KHDRBS2: variants seen among roughly 807,000 people sequenced by gnomAD.
KHDRBS2 encodes KH domain-containing, RNA-binding, signal transduction-associated protein 2.
A neutral mutation model predicts 44.3 loss-of-function variants in KHDRBS2; 26 were observed. The ratio of observed to expected loss-of-function variants is 0.59; its 90% CI spans 0.43 to 0.81. KHDRBS2 has a LOEUF of 0.81. KHDRBS2 is among the 40% of genes least tolerant of loss of function. The pLI is 0.00. For synonymous variants in KHDRBS2, 194 were observed against 151.1 expected (o/e 1.28, Z -2.08); for missense variants, 476 against 433.1 (o/e 1.10, Z -0.88).
chr6:61,546,084 G>C, the KHDRBS2 span, among the ~76,000 whole-genome samples: 5 of 151,790 alleles, frequency 3.3e-5, no homozygotes, highest in Non-Finnish European at 5.9e-5. Flanking sequence ...TGACAAACAC[G>C]TAAAGATATA....
At chr6:62,081,558 A>C (rs1485594668) in intron 2 of KHDRBS2, among the ~76,000 whole-genome samples, 1 of 152,164 alleles carries the variant, frequency 6.6e-6, no homozygotes, top group Non-Finnish European at 1.5e-5. Flanking sequence ...GAACTCAGTA[A>C]GACAAAAGAA....
chr6:61,635,105 T>A, the KHDRBS2 span, among the ~76,000 whole-genome samples: 1 of 152,056 alleles, frequency 6.6e-6, no homozygotes, highest in Non-Finnish European at 1.5e-5. Flanking sequence ...ATCCAATTAA[T>A]CTCATTACTT....
At chr6:62,003,321 C>T (rs1778614971) in intron 3 of KHDRBS2, among the ~76,000 whole-genome samples, 1 of 151,818 alleles carries the variant, frequency 6.6e-6, no homozygotes, top group African/African-American at 2.4e-5. Context: ...AATAAAATAA[C>T]ATTTGTACCC....
chr6:61,643,481 G>T, the KHDRBS2 span, among the ~76,000 whole-genome samples: 1 of 152,088 alleles, frequency 6.6e-6, no homozygotes, highest in Non-Finnish European at 1.5e-5. Flanking sequence ...GCAAGAGAAA[G>T]AAACAAAGGG....
the KHDRBS2 span, among the ~76,000 whole-genome samples, chr6:61,573,577 T>A: frequency 6.6e-6 from 1 of 151,892 alleles, no homozygotes; most frequent in African/African-American, 2.4e-5. Flanking sequence ...ATCACCTGAG[T>A]TCAGGAGTTT....
chr6:61,955,154 A>G (rs867899791), intron 4 of KHDRBS2, among the ~76,000 whole-genome samples: 2 of 144,790 alleles, frequency 1.4e-5, no homozygotes, highest in Non-Finnish European at 3.0e-5. Flanking sequence ...ATACGTGTGT[A>G]TGTATGTATA....
At chr6:61,801,559 T>C (rs543002912) in intron 6 of KHDRBS2, among the ~76,000 whole-genome samples, 1 of 152,310 alleles carries the variant, frequency 6.6e-6, no homozygotes, top group African/African-American at 2.4e-5. Flanking sequence ...AGCTCATTTG[T>C]CTTATTCAAT....
At chr6:62,237,387 T>C (rs1833873984) in intron 1 of KHDRBS2, among the ~76,000 whole-genome samples, 1 of 152,148 alleles carries the variant, frequency 6.6e-6, no homozygotes, top group Non-Finnish European at 1.5e-5. Context: ...CTCTCTAAAC[T>C]CAAAAACAAT....
At chr6:61,859,103 A>G (rs988605171) in intron 6 of KHDRBS2, among the ~76,000 whole-genome samples, 9 of 151,832 alleles carry the variant, frequency 5.9e-5, no homozygotes, top group East Asian at 3.9e-4. Flanking sequence ...TTAAAACTAT[A>G]TAAGTACTAT....
chr6:62,067,844 T>G (rs1221698830), intron 2 of KHDRBS2, among the ~76,000 whole-genome samples: 1 of 151,704 alleles, frequency 6.6e-6, no homozygotes, highest in South Asian at 2.1e-4. Flanking sequence ...CAACATGTGG[T>G]TTTTCCTTTA....
intron 1 of KHDRBS2, among the ~76,000 whole-genome samples, chr6:62,233,111 C>G (rs184369713): frequency 6.6e-6 from 1 of 152,214 alleles, no homozygotes; most frequent in East Asian, 1.9e-4. Flanking sequence ...GGGACTAATT[C>G]CCTTGAAGCT....
the KHDRBS2 span, among the ~76,000 whole-genome samples, chr6:61,635,141 T>C: frequency 6.6e-6 from 1 of 152,034 alleles, no homozygotes; most frequent in Non-Finnish European, 1.5e-5. Flanking sequence ...TTTCAAAAAG[T>C]ATGTTTTAAT....
chr6:61,555,899 G>T, the KHDRBS2 span, among the ~76,000 whole-genome samples: 1 of 152,172 alleles, frequency 6.6e-6, no homozygotes, highest in Non-Finnish European at 1.5e-5. Context: ...GTGCTGGAGA[G>T]GCCAAGGTTT....
the KHDRBS2 span, among the ~76,000 whole-genome samples, chr6:61,638,600 A>G: frequency 6.6e-6 from 1 of 152,182 alleles, no homozygotes; most frequent in African/African-American, 2.4e-5. Context: ...GGCATGGGCA[A>G]GGACTTCATG....
intron 3 of KHDRBS2, among the ~76,000 whole-genome samples, chr6:61,992,089 T>G (rs1353581601): frequency 1.3e-5 from 2 of 152,186 alleles, no homozygotes; most frequent in African/African-American, 2.4e-5. Flanking sequence ...TTACAGCATG[T>G]ACTCAAAGTC....
chr6:61,992,025 T>C (rs1776234799), intron 3 of KHDRBS2, among the ~76,000 whole-genome samples: 1 of 152,194 alleles, frequency 6.6e-6, no homozygotes, highest in Non-Finnish European at 1.5e-5. Context: ...ACCTATAAAG[T>C]GGCTAACCAC....
chr6:61,732,166 A>C (rs772517002), intron 7 of KHDRBS2, among the ~76,000 whole-genome samples: 9 of 152,082 alleles, frequency 5.9e-5, no homozygotes, highest in Non-Finnish European at 1.2e-4. Flanking sequence ...AAGACATAAA[A>C]AATCATTTAT....
At chr6:62,146,427 A>T (rs562880965) in intron 2 of KHDRBS2, among the ~76,000 whole-genome samples, 1 of 151,786 alleles carries the variant, frequency 6.6e-6, no homozygotes, top group African/African-American at 2.4e-5. Flanking sequence ...TTACCTCATT[A>T]AATCTTATTT....
intron 1 of KHDRBS2, among the ~76,000 whole-genome samples, chr6:62,216,198 C>A (rs1311044976): frequency 6.6e-6 from 1 of 151,492 alleles, no homozygotes; most frequent in Non-Finnish European, 1.5e-5. Flanking sequence ...TCCCAATAAA[C>A]CCAAGAAAAC....
Sources: gnomAD v4.1 joint callset for allele counts (sites outside exome capture counted in the v4.1 genomes callset) on GRCh38, gnomAD v4.1.1 for gene constraint, MANE v1.5 for transcripts, NCBI Gene and HGNC (gene_info 2026-07-23, HGNC 2026-07-21) for gene names.